Variants in PTPRD observed in about 807,000 individuals in gnomAD.
PTPRD encodes the protein receptor-type tyrosine-protein phosphatase delta.
A neutral mutation model predicts 214.5 loss-of-function variants in PTPRD; 34 were observed. The ratio of observed to expected loss-of-function variants is 0.16; its 90% CI spans 0.12 to 0.21. The LOEUF is 0.21. Among genes scored for constraint, PTPRD ranks in the 10% least tolerant of loss-of-function variants. The pLI is 1.00. For synonymous variants in PTPRD, 1,128 were observed against 845.7 expected (o/e 1.33, Z -5.79); for missense variants, 2,545 against 2,398.7 (o/e 1.06, Z -1.27).
chr9:9,141,565 T>TCATGTCC, intron 10 of PTPRD, among the ~76,000 whole-genome samples: 1 of 151,804 alleles, frequency 6.6e-6, no homozygotes, highest in Non-Finnish European at 1.5e-5. Context: ...TATACTGTTC[T>TCATGTCC]CCTTAGCCAC....
At chr9:10,049,454 C>T (rs529962490) in intron 3 of PTPRD, among the ~76,000 whole-genome samples, 150 of 127,924 alleles carry the variant, frequency 1.2e-3, no homozygotes, top group African/African-American at 3.2e-3. Flanking sequence ...AAAAAAAACC[C>T]TTCTATATGT....
chr9:10,536,017 A>G (rs924101729), intron 2 of PTPRD, among the ~76,000 whole-genome samples: 1 of 152,102 alleles, frequency 6.6e-6, no homozygotes, highest in Non-Finnish European at 1.5e-5. Context: ...GGTATAAAAG[A>G]GTTTTTTTCC....
intron 9 of PTPRD, among the ~76,000 whole-genome samples, chr9:9,269,312 C>G (rs182863396): frequency 8.6e-5 from 13 of 151,364 alleles, no homozygotes; most frequent in African/African-American, 3.1e-4. Context: ...TAAGATATCA[C>G]CTCACACCCG....
chr9:8,591,281 T>C (rs1247875755), intron 14 of PTPRD, among the ~76,000 whole-genome samples: 1 of 152,132 alleles, frequency 6.6e-6, no homozygotes, highest in Non-Finnish European at 1.5e-5. Context: ...TAGGAACTAG[T>C]CGTGATTTGG....
intron 9 of PTPRD, among the ~76,000 whole-genome samples, chr9:9,197,710 C>G (rs896942359): frequency 1.3e-5 from 2 of 152,200 alleles, no homozygotes; most frequent in African/African-American, 4.8e-5. Flanking sequence ...CATGTCCGGC[C>G]TATTTTTCTT....
chr9:9,046,527 G>A (rs2099672554), intron 10 of PTPRD, among the ~76,000 whole-genome samples: 1 of 152,132 alleles, frequency 6.6e-6, no homozygotes, highest in South Asian at 2.1e-4. Context: ...GAGCATTTAT[G>A]CACATTTTGT....
intron 3 of PTPRD, among the ~76,000 whole-genome samples, chr9:10,202,346 G>A (rs999977752): frequency 6.6e-6 from 1 of 151,832 alleles, no homozygotes; most frequent in Non-Finnish European, 1.5e-5. Flanking sequence ...CTGACCTTCT[G>A]CCTGTCATGT....
At chr9:8,725,933 A>G (rs1400804170) in intron 12 of PTPRD, among the ~76,000 whole-genome samples, 1 of 152,042 alleles carries the variant, frequency 6.6e-6, no homozygotes, top group Non-Finnish European at 1.5e-5. Context: ...CTGAAGATAG[A>G]TTACAGGCTG....
chr9:9,227,717 T>C (rs2099960426), intron 9 of PTPRD, among the ~76,000 whole-genome samples: 1 of 152,080 alleles, frequency 6.6e-6, no homozygotes, highest in South Asian at 2.1e-4. Flanking sequence ...GCCCACATGG[T>C]AGGAAACTCA....
intron 3 of PTPRD, among the ~76,000 whole-genome samples, chr9:10,285,365 G>C (rs192105578): frequency 2.0e-3 from 304 of 152,138 alleles, no homozygotes; most frequent in African/African-American, 6.8e-3. Flanking sequence ...AAAGCATTTT[G>C]TCGGGGTTCA....
chr9:8,956,791 C>A (rs561649682), intron 11 of PTPRD, among the ~76,000 whole-genome samples: 4 of 151,964 alleles, frequency 2.6e-5, no homozygotes, highest in Non-Finnish European at 5.9e-5. Flanking sequence ...TTCACAGAAA[C>A]TGAACCCACC....
At chr9:9,374,738 G>C (rs2060347661) in intron 9 of PTPRD, among the ~76,000 whole-genome samples, 2 of 152,118 alleles carry the variant, frequency 1.3e-5, no homozygotes, top group African/African-American at 2.4e-5. Context: ...CATATACAAA[G>C]AACAAGGCAC....
intron 8 of PTPRD, among the ~76,000 whole-genome samples, chr9:9,486,105 C>G (rs2095619288): frequency 7.4e-6 from 1 of 134,238 alleles, no homozygotes; most frequent in South Asian, 2.3e-4. Context: ...GAGTCGAGAT[C>G]ACGCCACTGC....
chr9:10,017,662 T>C (rs1238913369), intron 4 of PTPRD, among the ~76,000 whole-genome samples: 1 of 152,172 alleles, frequency 6.6e-6, no homozygotes, highest in Non-Finnish European at 1.5e-5. Context: ...TTAGTACATA[T>C]ATTAAATAAT....
intron 39 of PTPRD, among the ~76,000 whole-genome samples, chr9:8,347,295 G>T (rs1487910164): frequency 6.6e-6 from 1 of 152,068 alleles, no homozygotes; most frequent in African/African-American, 2.4e-5. Context: ...GGACAAAGAG[G>T]AAGAGTTCCT....
At chr9:9,284,171 G>T (rs1948656225) in intron 9 of PTPRD, among the ~76,000 whole-genome samples, 1 of 151,446 alleles carries the variant, frequency 6.6e-6, no homozygotes, top group Non-Finnish European at 1.5e-5. Context: ...CCTTTTCTTG[G>T]GGTTCTATCC....
chr9:9,265,974 C>A (rs761573035), intron 9 of PTPRD, among the ~76,000 whole-genome samples: 1 of 151,294 alleles, frequency 6.6e-6, no homozygotes, highest in Non-Finnish European at 1.5e-5. Context: ...AAATTATATG[C>A]CGTCTGTAAG....
intron 11 of PTPRD, among the ~76,000 whole-genome samples, chr9:9,010,699 A>C (rs550608126): frequency 3.9e-5 from 6 of 152,112 alleles, no homozygotes; most frequent in Admixed American, 2.0e-4. Flanking sequence ...ACCCAGGATG[A>C]TCCTTGATCC....
At chr9:9,897,289 A>G (rs10739202) in intron 5 of PTPRD, among the ~76,000 whole-genome samples, 148,078 of 152,084 alleles carry the variant, frequency 0.97, 72,088 homozygotes, top group East Asian at 1. Context: ...CTGACTTACT[A>G]ATTTGCTATA....
Sources: allele counts gnomAD v4.1 joint callset (sites outside exome capture counted in the v4.1 genomes callset), GRCh38; gene constraint gnomAD v4.1.1; transcripts MANE v1.5; gene names NCBI Gene and HGNC (gene_info 2026-07-23, HGNC 2026-07-21).